Variants in PLEKHH2 observed in about 807,000 individuals in gnomAD.
The protein encoded by PLEKHH2 is pleckstrin homology, MyTH4 and FERM domain containing H2, also known as pleckstrin homology domain-containing family H member 2.
In PLEKHH2, 129 loss-of-function variants were observed where a neutral mutation model predicts 187.9. The observed-to-expected ratio is 0.69, with a 90% CI of 0.59 to 0.79. PLEKHH2 has a LOEUF of 0.79. PLEKHH2 is among the 30% of genes least tolerant of loss of function. PLEKHH2 has a pLI of 0.00. For synonymous variants in PLEKHH2, 686 were observed against 605.6 expected (o/e 1.13, Z -1.95); for missense variants, 2,076 against 1,751.2 (o/e 1.19, Z -3.31).
rs149649681 is a variant in PLEKHH2, at chr2:43,699,828, G to A, written c.870G>A (p.Glu290=). Residue 290 remains glutamate, a synonymous_variant, in exon 8 of 30, where the codon GAG becomes GAA. Transcript: ENST00000282406. The part of the protein sequence containing the change: ...GAPVSDWSSD[E]EDGSKGRSKS... The stretch of plus-strand genomic sequence containing the variant: ...CTGTGAGTGACTGGAGCTCTGATGA[G>A]GAAGACGGGAGCAAAGGAAGATCCA... 6.2e-7 allele frequency: 1 copy of A among 1,611,856 alleles called. No homozygotes were observed. Among genetic ancestry groups the A allele is most frequent in the Non-Finnish European group, 8.5e-7 (1 of 1,177,982 alleles).
intron 15 of PLEKHH2, among the ~76,000 whole-genome samples, chr2:43,718,929 T>C (rs180924003): frequency 7.9e-5 from 12 of 152,330 alleles, no homozygotes; most frequent in Admixed American, 6.5e-4. Context: ...AGTTACTCAT[T>C]TGCTTAAACC....
chr2:43,666,477 T>TGG (rs1667221452), intron 2 of PLEKHH2, among the ~76,000 whole-genome samples: 2 of 147,228 alleles, frequency 1.4e-5, no homozygotes, highest in Non-Finnish European at 2.9e-5. Flanking sequence ...GCTGTTCCTA[T>TGG]TCGGCCATCT....
intron 3 of PLEKHH2, among the ~76,000 whole-genome samples, chr2:43,682,612 A>G (rs959271275): frequency 6.6e-6 from 1 of 152,060 alleles, no homozygotes; most frequent in Non-Finnish European, 1.5e-5. Context: ...GCCAAAATTA[A>G]CATTTTTAAA....
chr2:43,723,592 T>C (rs928141013), intron 16 of PLEKHH2, among the ~76,000 whole-genome samples: 2 of 152,196 alleles, frequency 1.3e-5, no homozygotes, highest in East Asian at 3.9e-4. Context: ...ATATCTTTCA[T>C]ATAGGCGTTA....
intron 1 of PLEKHH2, among the ~76,000 whole-genome samples, chr2:43,641,414 C>A (rs188379471): frequency 6.6e-6 from 1 of 152,158 alleles, no homozygotes; most frequent in East Asian, 1.9e-4. Flanking sequence ...CTGTGGCCTG[C>A]AGGCCACAGG....
At chr2:43,704,713 G>A (rs1015998738) in intron 9 of PLEKHH2, among the ~76,000 whole-genome samples, 5 of 143,150 alleles carry the variant, frequency 3.5e-5, no homozygotes, top group African/African-American at 1.3e-4. Context: ...TTTATGTTCT[G>A]TGTTTTTTCC....
In PLEKHH2 at chr2:43,678,938, TTTAC is replaced by T; in HGVS notation, c.186+16_186+19del. The T allele has an allele frequency of 6.3e-7, 1 of 1,594,166 alleles. No homozygotes were observed. Among genetic ancestry groups the T allele is most frequent in the South Asian group, 1.1e-5 (1 of 88,582 alleles). On this transcript the variant is annotated intron_variant, in intron 3 of 29. Transcript: ENST00000282406. ...AGCTTTTCAACAGGTAGAGTATAAT[TTTAC>T]TTTAAATTTTTTTTGCCTGTACTAC...
chr2:43,709,942 C>T, intron 11 of PLEKHH2, 48 bp from the exon 12 acceptor site: 2 of 1,533,766 alleles, frequency 1.3e-6, no homozygotes, highest in Non-Finnish European at 1.8e-6. Flanking sequence ...GGTGTTTGGC[C>T]CTCCCCAGTA....
In PLEKHH2 at chr2:43,765,474, C is replaced by A. The variant is rs1220442689; in HGVS notation, c.4358C>A (p.Ala1453Glu). Residue 1453 changes from alanine (A) to glutamate (E), a missense_variant, in exon 30 of 30, where the codon GCA (alanine) becomes GAA (glutamate). Ala to Glu is a moderately radical substitution (Grantham distance 107). Transcript: ENST00000282406. The part of the protein sequence containing the change: ...YINNFHQQKA[A>E]FHHLSAPALL... ...AACAACTTCCATCAGCAAAAGGCAG[C>A]ATTTCACCACCTCTCTGCTCCAGCA... The A allele has an allele frequency of 6.2e-7, 1 of 1,614,122 alleles. No homozygotes were observed. The highest frequency in any genetic ancestry group is 8.5e-7 in the Non-Finnish European group (1 of 1,180,002).
chr2:43,685,719 G>A (rs1018609314), intron 3 of PLEKHH2, among the ~76,000 whole-genome samples: 2 of 150,952 alleles, frequency 1.3e-5, no homozygotes, highest in African/African-American at 2.4e-5. Context: ...TGGGATTACC[G>A]GCATGAGCCA....
chr2:43,681,701 A>G, intron 3 of PLEKHH2: 1 of 534,672 alleles, frequency 1.9e-6, no homozygotes, highest in Non-Finnish European at 3.3e-6. Flanking sequence ...CAGGCCACTG[A>G]GGGCCAGGCA....
Position 43,756,543 on chromosome 2 carries a change from A to G in PLEKHH2, c.3796-576A>G, listed in dbSNP as rs140725108. 5.5e-3 allele frequency among the ~76,000 whole-genome samples: 838 copies of G among 152,356 alleles called. 6 individuals are homozygous for G. The highest frequency in any genetic ancestry group is 0.019 in the African/African-American group (780 of 41,580). On this transcript the variant is annotated intron_variant, in intron 25 of 29. Coordinates refer to ENST00000282406, the MANE Select transcript of PLEKHH2 (RefSeq NM_172069.4). ...AAAATGAAAAATTGTCCTTGCAGAC[A>G]ATAACAAAGTAGTGACCTTTAGCAA...
In PLEKHH2 at chr2:43,765,932, T is replaced by C. The variant is rs535868698; in HGVS notation, c.*334T>C. 84 of 198,026 alleles carry C rather than the reference T, an allele frequency of 4.2e-4. No homozygotes were observed. The highest frequency in any genetic ancestry group is 1.8e-3 in the African/African-American group (79 of 43,344). 12.3% of individuals were successfully genotyped at this position (198,026 alleles called of 1,614,324 possible). On this transcript the variant is annotated 3_prime_UTR_variant, in exon 30 of 30. Coordinates refer to ENST00000282406, the MANE Select transcript of PLEKHH2 (RefSeq NM_172069.4). The stretch of plus-strand genomic sequence containing the variant: ...TCTTTTTTTCCCCTTTTTAATATTC[T>C]GGCAATCTTTAGAAAGGGAGATTCC...
intron 1 of PLEKHH2, among the ~76,000 whole-genome samples, chr2:43,641,846 T>G (rs1427741721): frequency 6.6e-6 from 1 of 152,256 alleles, no homozygotes; most frequent in African/African-American, 2.4e-5. Flanking sequence ...TCTATATATC[T>G]ATCTTTATGC....
chr2:43,705,903 C>G (rs1003268), intron 9 of PLEKHH2, among the ~76,000 whole-genome samples: 10,849 of 152,198 alleles, frequency 0.071, 526 homozygotes, highest in Non-Finnish European at 0.1. Context: ...CCACCATGCC[C>G]CACCAGAACA....
At chr2:43,639,650 C>CT (rs869116400) in intron 1 of PLEKHH2, among the ~76,000 whole-genome samples, 4,851 of 99,250 alleles carry the variant, frequency 0.049, 293 homozygotes, top group African/African-American at 0.11. Context: ...GGATGTACCA[C>CT]TTTTTTTTTT....
chr2:43,704,835 A>G (rs1038837862), intron 9 of PLEKHH2, among the ~76,000 whole-genome samples: 1 of 152,076 alleles, frequency 6.6e-6, no homozygotes, highest in Non-Finnish European at 1.5e-5. Context: ...TCAAAAAATG[A>G]TTTCTAGGGT....
At chr2:43,671,045 G>T (rs545702601) in intron 2 of PLEKHH2, among the ~76,000 whole-genome samples, 2 of 150,990 alleles carry the variant, frequency 1.3e-5, no homozygotes, top group African/African-American at 4.9e-5. Context: ...AGTGTGATGC[G>T]TAATCTCGGC....
chr2:43,644,735 A>T lies in PLEKHH2; in HGVS notation c.62A>T (p.Glu21Val). ...VDWKERCVAL[E>V]SQLMKFRVQA... ...TGGAAGGAACGATGTGTAGCTCTGG[A>T]GTCCCAACTCATGAAATTTAGAGTT... The change falls in exon 2 of 30, where the codon GAG (glutamate) becomes GTG (valine). Residue 21 changes from glutamate (E) to valine (V), a missense_variant. Glu to Val is a moderately radical substitution (Grantham distance 121). Coordinates refer to ENST00000282406, the MANE Select transcript of PLEKHH2 (RefSeq NM_172069.4). The T allele has an allele frequency of 6.2e-7, 1 of 1,609,744 alleles. No individual in the cohort carries two copies. Among genetic ancestry groups the T allele is most frequent in the Non-Finnish European group, 8.5e-7 (1 of 1,176,876 alleles).
Sources: allele counts gnomAD v4.1 joint callset (sites outside exome capture counted in the v4.1 genomes callset), GRCh38; gene constraint gnomAD v4.1.1; transcripts MANE v1.5; gene names NCBI Gene and HGNC (gene_info 2026-07-23, HGNC 2026-07-21).